Variants in PCSK6 observed in about 807,000 individuals in gnomAD.
The protein encoded by PCSK6 is proprotein convertase subtilisin/kexin type 6.
A neutral mutation model predicts 123.3 loss-of-function variants in PCSK6; 85 were observed. The observed-to-expected ratio is 0.69, with a 90% CI of 0.58 to 0.83. The LOEUF is 0.83. Among genes scored for constraint, PCSK6 ranks in the 40% least tolerant of loss-of-function variants. The probability of loss-of-function intolerance (pLI) is 0.00; values close to 1 mark genes in which losing one functional copy is unlikely to be tolerated. For missense variants in PCSK6, 1,191 were observed against 1,282.3 expected, an observed-to-expected ratio of 0.93 and a Z score of 1.09; for synonymous variants, 508 against 516.0, an observed-to-expected ratio of 0.98 and a Z score of 0.21.
chr15:101,420,618 C>T (rs1234404008), intron 6 of PCSK6, among the ~76,000 whole-genome samples: 1 of 152,196 alleles, frequency 6.6e-6, no homozygotes, highest in East Asian at 1.9e-4. Context: ...CCTGCCTCAA[C>T]CCCCAAAGTG....
At chr15:101,419,626 A>G (rs564510336) in intron 6 of PCSK6, among the ~76,000 whole-genome samples, 57 of 152,196 alleles carry the variant, frequency 3.7e-4, no homozygotes, top group Middle Eastern at 3.4e-3. Flanking sequence ...ATTTTTGAAA[A>G]GGAACCATAA....
At chr15:101,424,237 CA>C (rs55970616) in intron 6 of PCSK6, among the ~76,000 whole-genome samples, 63,552 of 131,996 alleles carry the variant, frequency 0.48, 13,504 homozygotes, top group East Asian at 0.64. Context: ...CCCATCTCTT[CA>C]AAAAAAAAAA....
intron 13 of PCSK6, among the ~76,000 whole-genome samples, chr15:101,332,271 C>T (rs550450350): frequency 3.3e-4 from 50 of 152,340 alleles, no homozygotes; most frequent in East Asian, 9.6e-4. Flanking sequence ...AGCTGCCCTC[C>T]GCTTCCTGTC....
At chr15:101,404,432 T>C (rs1315577280) in intron 6 of PCSK6, among the ~76,000 whole-genome samples, 1 of 152,152 alleles carries the variant, frequency 6.6e-6, no homozygotes, top group Non-Finnish European at 1.5e-5. Flanking sequence ...CCATCCCATC[T>C]CCATGGCTGT....
intron 1 of PCSK6, among the ~76,000 whole-genome samples, chr15:101,446,170 G>A (rs896974269): frequency 3.9e-5 from 6 of 152,264 alleles, no homozygotes; most frequent in South Asian, 2.1e-4. Context: ...GGGGAGGGAC[G>A]CTCCCACTGC....
intron 11 of PCSK6, among the ~76,000 whole-genome samples, chr15:101,373,650 T>C (rs898156092): frequency 4.0e-4 from 61 of 152,198 alleles, no homozygotes; most frequent in African/African-American, 1.4e-3. Flanking sequence ...GTATTTCAGA[T>C]AGAAACTCCA....
chr15:101,431,573 A>G (rs1031525453), intron 3 of PCSK6, 110 bp from the exon 4 acceptor site: 3 of 1,302,360 alleles, frequency 2.3e-6, no homozygotes, highest in African/African-American at 2.9e-5. Context: ...GTAAAAAAGG[A>G]GGGAACACCT....
chr15:101,425,041 G>T (rs2056207847), intron 6 of PCSK6, among the ~76,000 whole-genome samples: 2 of 152,182 alleles, frequency 1.3e-5, no homozygotes, highest in African/African-American at 4.8e-5. Context: ...GGGCAGGTAG[G>T]AGCCCCAGGG....
rs540032329 is a variant in PCSK6, at chr15:101,396,182, C to G, written c.996+2222G>C. Reference sequence around the variant, plus strand: ...AAAATCAAATGACCTCAGTATTTCACAAAACTGTGACAAGAATGAGGGGAA... The same window carrying G: ...AAAATCAAATGACCTCAGTATTTCAGAAAACTGTGACAAGAATGAGGGGAA... On this transcript the variant is annotated intron_variant, in intron 7 of 21. Transcript: ENST00000611716. Among the ~76,000 whole-genome samples, 34 of 152,270 alleles carry G rather than the reference C, an allele frequency of 2.2e-4. No homozygotes were observed. The South Asian group carries it at 6.9e-3, about 31-fold the overall frequency.
rs147147955 is a variant in PCSK6 at position 101,382,358 on chromosome 15, C to T, written c.1415-149G>A. On this transcript the variant is annotated intron_variant, in intron 10 of 21. Transcript: ENST00000611716. ...GGGCCCCAGGCTGCAGGACGGGTCC[C>T]CCTGAGGGCTGCTCAAAGGTCCCAG... The T allele has an allele frequency of 6.2e-3, 3,804 of 615,732 alleles. 25 individuals carry two copies. Among genetic ancestry groups the T allele is most frequent in the Non-Finnish European group, 9.3e-3 (3,241 of 348,808 alleles). The allele number at this position is 615,732 out of a possible 1,614,324, so 38.1% of individuals were successfully genotyped here.
At chr15:101,387,511 A>G (rs1465140815) in intron 9 of PCSK6, among the ~76,000 whole-genome samples, 1 of 152,228 alleles carries the variant, frequency 6.6e-6, no homozygotes, top group Non-Finnish European at 1.5e-5. Flanking sequence ...AATCTATTTT[A>G]TTTTTGACTC....
intron 13 of PCSK6, among the ~76,000 whole-genome samples, chr15:101,335,458 G>A (rs553888859): frequency 6.6e-6 from 1 of 152,336 alleles, no homozygotes; most frequent in African/African-American, 2.4e-5. Flanking sequence ...AAATGCAAAA[G>A]TATAAAAGTG....
intron 6 of PCSK6, among the ~76,000 whole-genome samples, chr15:101,416,733 A>G (rs1047865761): frequency 6.6e-6 from 1 of 152,258 alleles, no homozygotes; most frequent in East Asian, 1.9e-4. Flanking sequence ...AAAGGAGCCA[A>G]CGTACAGCTT....
chr15:101,425,626 TTA>T (rs1327641356), intron 6 of PCSK6, among the ~76,000 whole-genome samples: 9 of 122,602 alleles, frequency 7.3e-5, no homozygotes, highest in Non-Finnish European at 1.5e-4. Context: ...CTGCTGTTGT[TTA>T]TATACATATA....
chr15:101,324,727 C>T (rs2040207848), intron 17 of PCSK6, 123 bp downstream of exon 17: 1 of 810,858 alleles, frequency 1.2e-6, no homozygotes, highest in Admixed American at 2.6e-5. Context: ...GTTCAAAGTC[C>T]TTACTCAGAA....
intron 1 of PCSK6, among the ~76,000 whole-genome samples, chr15:101,467,132 G>A (rs1331848068): frequency 6.6e-5 from 10 of 152,018 alleles, no homozygotes; most frequent in South Asian, 2.1e-4. Flanking sequence ...TGGGAAACAC[G>A]GTTTCCCACT....
intron 13 of PCSK6, among the ~76,000 whole-genome samples, chr15:101,361,437 T>C: frequency 6.6e-6 from 1 of 151,980 alleles, no homozygotes; most frequent in Non-Finnish European, 1.5e-5. Flanking sequence ...GGAGAGTGGG[T>C]AGGACATCCA....
At chr15:101,476,558 A>C (rs1328802153) in intron 1 of PCSK6, among the ~76,000 whole-genome samples, 1 of 132,190 alleles carries the variant, frequency 7.6e-6, no homozygotes, top group African/African-American at 2.8e-5. Flanking sequence ...GATTCCATTT[A>C]TATTAAAAAA....
intron 1 of PCSK6, among the ~76,000 whole-genome samples, chr15:101,445,243 A>G (rs2056857206): frequency 1.3e-5 from 2 of 152,062 alleles, no homozygotes; most frequent in Non-Finnish European, 2.9e-5. Flanking sequence ...TGGGTCTGGG[A>G]TGCTTTAGCT....
Sources: allele counts gnomAD v4.1 joint callset (sites outside exome capture counted in the v4.1 genomes callset), GRCh38; gene constraint gnomAD v4.1.1; transcripts MANE v1.5; gene names NCBI Gene and HGNC (gene_info 2026-07-23, HGNC 2026-07-21).